TIAM2: variants seen among roughly 807,000 people sequenced by gnomAD.
TIAM2 encodes the protein rho guanine nucleotide exchange factor TIAM2.
In TIAM2, 80 loss-of-function variants were observed where a neutral mutation model predicts 152.9. The ratio of observed to expected loss-of-function variants is 0.52; its 90% CI spans 0.44 to 0.63. TIAM2 has a LOEUF of 0.63. Among genes scored for constraint, TIAM2 ranks in the 30% least tolerant of loss-of-function variants. The pLI is 0.00. For synonymous variants in TIAM2, 804 were observed against 838.0 expected (o/e 0.96, Z 0.70); for missense variants, 1,965 against 2,120.1 (o/e 0.93, Z 1.44).
At chr6:155,226,283 G>C (rs532851505) in intron 15 of TIAM2, among the ~76,000 whole-genome samples, 1 of 152,366 alleles carries the variant, frequency 6.6e-6, no homozygotes, top group African/African-American at 2.4e-5. Flanking sequence ...TAATGTACCA[G>C]TGGGGAATGG....
At position 155,256,690 on chromosome 6, in the gene TIAM2, G is replaced by A. The variant is rs1362629822; in HGVS notation, c.4675G>A (p.Asp1559Asn). Reference protein sequence around the residue: ...YPHPGLADFADNLIKESDILS... With the variant: ...YPHPGLADFANNLIKESDILS... ...ACACCCCGGCTTGGCAGATTTTGCC[G>A]ACAATCTCATCAAAGAGAGTGACAT... The change falls in exon 27 of 27, where the codon GAC (aspartate) becomes AAC (asparagine). Residue 1559 changes from aspartate (D) to asparagine (N), a missense_variant. Physicochemically the swap from Asp to Asn is conservative, Grantham distance 23. This residue lies in a region of TIAM2 where 935 missense variants were observed against 980.0 expected (regional missense o/e 0.95). Coordinates refer to ENST00000682666, the MANE Select transcript of TIAM2 (RefSeq NM_012454.4). The A allele has an allele frequency of 3.1e-6, 5 of 1,614,062 alleles. No homozygotes were observed. The highest frequency in any genetic ancestry group is 3.4e-6 in the Non-Finnish European group (4 of 1,180,046).
At chr6:155,010,002 G>A (rs1390668363) in intron 1 of TIAM2, among the ~76,000 whole-genome samples, 1 of 151,984 alleles carries the variant, frequency 6.6e-6, no homozygotes, top group Non-Finnish European at 1.5e-5. Context: ...ACAGGCGCCC[G>A]CCACCACACC....
intron 9 of TIAM2, among the ~76,000 whole-genome samples, chr6:155,175,792 G>C (rs1395365320): frequency 6.6e-6 from 1 of 152,190 alleles, no homozygotes; most frequent in Non-Finnish European, 1.5e-5. Flanking sequence ...TTAGCATGAA[G>C]TCAGCAATTG....
At chr6:155,205,182 T>TA (rs61272546) in intron 14 of TIAM2, among the ~76,000 whole-genome samples, 4 of 40,526 alleles carry the variant, frequency 9.9e-5, no homozygotes, top group South Asian at 5.4e-4. Flanking sequence ...TATTAATTTC[T>TA]AAAAAAAAAA....
intron 2 of TIAM2, among the ~76,000 whole-genome samples, chr6:155,125,566 C>T (rs748890532): frequency 5.9e-5 from 9 of 151,858 alleles, no homozygotes; most frequent in African/African-American, 7.3e-5. Context: ...GGGCTGGGCG[C>T]GGTGGCTCAC....
intron 1 of TIAM2, among the ~76,000 whole-genome samples, chr6:155,048,656 G>A (rs1583167761): frequency 1.3e-5 from 2 of 152,098 alleles, no homozygotes; most frequent in Non-Finnish European, 2.9e-5. Flanking sequence ...AAGGAGACTC[G>A]GGAGGCCGCA....
rs1583172029 is a variant in TIAM2, at chr6:155,059,856, C to T, written c.-208-30433C>T. 2.0e-5 allele frequency among the ~76,000 whole-genome samples: 3 copies of T among 152,126 alleles called. No individual in the cohort carries two copies. The South Asian group carries it at 6.2e-4, about 32-fold the overall frequency. ...TTCATTAGAAGCAAGTTACCAAGTC[C>T]AGCTCACACTCAAGTGGAGAGTATT... On this transcript the variant is annotated intron_variant, in intron 1 of 26. Coordinates refer to ENST00000682666, the MANE Select transcript of TIAM2 (RefSeq NM_012454.4).
At chr6:154,998,762 G>A (rs1279852217) in intron 1 of TIAM2, among the ~76,000 whole-genome samples, 1 of 152,168 alleles carries the variant, frequency 6.6e-6, no homozygotes, top group East Asian at 1.9e-4. Context: ...CTGAGTCCCA[G>A]GAACTTATCC....
At chr6:155,205,723 C>T (rs2115198977) in intron 14 of TIAM2, among the ~76,000 whole-genome samples, 1 of 152,266 alleles carries the variant, frequency 6.6e-6, no homozygotes, top group South Asian at 2.1e-4. Flanking sequence ...GGGACACCAC[C>T]ACGCACGCCA....
intron 15 of TIAM2, among the ~76,000 whole-genome samples, chr6:155,236,841 C>A (rs1269959076): frequency 6.6e-6 from 1 of 152,146 alleles, no homozygotes; most frequent in Non-Finnish European, 1.5e-5. Context: ...CTGGGCCCCT[C>A]CCACAATACA....
At position 155,176,967 on chromosome 6, in the gene TIAM2, T is replaced by C. The variant is rs1780775053; in HGVS notation, c.2513T>C (p.Leu838Ser). ...CACAGAGTAGAAGATATTTTGACTT[T>C]GGCATGCAAGGTAACGGATTTTGCT... is the stretch of plus-strand genomic sequence containing the variant. ...PEHRVEDILT[L>S]ACKMRQLEPS... Residue 838 changes from leucine to serine, a missense_variant, in exon 10 of 27, where the codon TTG becomes TCG. By Grantham distance (145) the Leu-to-Ser change is moderately radical. Around this residue, in one of 3 missense-constraint regions of TIAM2, gnomAD observed 1,025 missense variants for 1,119.4 expected, o/e 0.92. Coordinates refer to ENST00000682666, the MANE Select transcript of TIAM2 (RefSeq NM_012454.4). 6.2e-7 allele frequency: 1 copy of C among 1,605,326 alleles called. No individual in the cohort carries two copies. Among genetic ancestry groups the C allele is most frequent in the Non-Finnish European group, 8.5e-7 (1 of 1,177,318 alleles).
At chr6:155,031,559 C>T (rs1437902037) in intron 1 of TIAM2, among the ~76,000 whole-genome samples, 2 of 151,910 alleles carry the variant, frequency 1.3e-5, no homozygotes, top group African/African-American at 4.8e-5. Flanking sequence ...CCCATCTCTA[C>T]AAAAAACACA....
At chr6:155,177,108 T>A in intron 10 of TIAM2, 131 bp downstream of exon 10, 1 of 791,234 alleles carries the variant, frequency 1.3e-6, no homozygotes, top group Non-Finnish European at 1.9e-6. Context: ...AGCATATTTA[T>A]TAGTTAATAT....
rs1299965226 is a variant in TIAM2, at chr6:155,057,539, TA to T, written c.-208-32749del. ...AGTTACTCTTTTTCTTTCCATAATG[TA>T]CTTTTTTTTTTTTTTTTTTTTTTTG... On this transcript the variant is annotated intron_variant, in intron 1 of 26. Transcript: ENST00000682666. 1.2e-3 allele frequency among the ~76,000 whole-genome samples: 156 copies of T among 128,092 alleles called. 2 individuals are homozygous for T. The highest frequency in any genetic ancestry group is 3.6e-3 in the East Asian group (15 of 4,218). 84.0% of individuals were successfully genotyped at this position (128,092 alleles called of 152,430 possible).
At chr6:155,178,359 A>C (rs1780810058) in intron 10 of TIAM2, among the ~76,000 whole-genome samples, 1 of 152,066 alleles carries the variant, frequency 6.6e-6, no homozygotes, top group African/African-American at 2.4e-5. Flanking sequence ...CATTTTACAA[A>C]TTTCTGTACT....
intron 18 of TIAM2, 25 bp from the exon 19 acceptor site, chr6:155,245,598 T>C (rs1783272401): frequency 6.3e-7 from 1 of 1,585,640 alleles, no homozygotes; most frequent in African/African-American, 1.3e-5. Context: ...CATGTCTGAT[T>C]TGACTTTCCC....
intron 1 of TIAM2, among the ~76,000 whole-genome samples, chr6:155,034,584 G>A (rs1776888645): frequency 1.3e-5 from 2 of 152,154 alleles, no homozygotes; most frequent in Admixed American, 1.3e-4. Context: ...TCAACTGGAT[G>A]TCTTCATCTA....
intron 8 of TIAM2, among the ~76,000 whole-genome samples, chr6:155,164,802 A>G (rs559035469): frequency 9.2e-5 from 14 of 152,296 alleles, no homozygotes; most frequent in Non-Finnish European, 1.9e-4. Context: ...TCTACTGCTT[A>G]TTCTAGAGTC....
In TIAM2 at chr6:155,256,689, C is replaced by T. The variant is rs1571766; in HGVS notation, c.4674C>T (p.Ala1558=). Residue 1558 remains alanine, a synonymous_variant, in exon 27 of 27, where the codon GCC becomes GCT. Coordinates refer to ENST00000682666, the MANE Select transcript of TIAM2 (RefSeq NM_012454.4). ...CACACCCCGGCTTGGCAGATTTTGC[C>T]GACAATCTCATCAAAGAGAGTGACA... is the stretch of plus-strand genomic sequence containing the variant. ...KYPHPGLADF[A]DNLIKESDIL... The T allele has an allele frequency of 0.63, 1,019,579 of 1,613,884 alleles. 327,741 individuals are homozygous for T. The highest frequency in any genetic ancestry group is 0.98 in the East Asian group (44,021 of 44,864).
Sources: allele counts gnomAD v4.1 joint callset (sites outside exome capture counted in the v4.1 genomes callset), GRCh38; gene constraint gnomAD v4.1.1; regional missense constraint gnomAD v4.1.1; transcripts MANE v1.5; gene names NCBI Gene and HGNC (gene_info 2026-07-23, HGNC 2026-07-21).